AUTS2: variants seen among roughly 807,000 people sequenced by gnomAD.
AUTS2 encodes activator of transcription and developmental regulator AUTS2.
In AUTS2, 17 loss-of-function variants were observed where a neutral mutation model predicts 112.4. The ratio of observed to expected loss-of-function variants is 0.15; its 90% CI spans 0.10 to 0.23. The LOEUF (loss-of-function observed/expected upper bound fraction) is 0.23. Among genes scored for constraint, AUTS2 ranks in the 10% least tolerant of loss-of-function variants. AUTS2 has a pLI of 1.00. For missense variants in AUTS2, 1,510 were observed against 1,701.6 expected, an observed-to-expected ratio of 0.89 and a Z score of 1.98; for synonymous variants, 751 against 702.7, an observed-to-expected ratio of 1.07 and a Z score of -1.09.
intron 1 of AUTS2, among the ~76,000 whole-genome samples, chr7:69,601,535 T>A (rs190216776): frequency 1.4e-3 from 212 of 151,846 alleles, no homozygotes; most frequent in Non-Finnish European, 2.4e-3. Flanking sequence ...TGGTGGCCAG[T>A]GGTTGGGAGT....
At chr7:70,708,164 T>A (rs1809839874) in intron 6 of AUTS2, among the ~76,000 whole-genome samples, 1 of 152,212 alleles carries the variant, frequency 6.6e-6, no homozygotes, top group Non-Finnish European at 1.5e-5. Context: ...AGAGTAACAC[T>A]AAAACCTAAT....
intron 5 of AUTS2, among the ~76,000 whole-genome samples, chr7:70,553,357 A>G (rs190907422): frequency 6.6e-6 from 1 of 152,284 alleles, no homozygotes; most frequent in Admixed American, 6.5e-5. Context: ...TGAAGCACCT[A>G]TTACCAGGAC....
chr7:69,798,799 T>G (rs781365346), intron 1 of AUTS2, among the ~76,000 whole-genome samples: 3 of 152,112 alleles, frequency 2.0e-5, no homozygotes, highest in Admixed American at 6.6e-5. Flanking sequence ...GAGATCAGCC[T>G]GGACAACATA....
intron 5 of AUTS2, among the ~76,000 whole-genome samples, chr7:70,540,628 A>T (rs1239816221): frequency 6.6e-6 from 1 of 152,088 alleles, no homozygotes; most frequent in Non-Finnish European, 1.5e-5. Flanking sequence ...CCATCGATTC[A>T]TGGTATTGGT....
intron 5 of AUTS2, among the ~76,000 whole-genome samples, chr7:70,685,812 T>C (rs557431037): frequency 2.6e-5 from 4 of 152,332 alleles, no homozygotes; most frequent in African/African-American, 9.6e-5. Context: ...CAGTTCCCCG[T>C]TTCCCACAGT....
At chr7:70,386,827 C>T (rs1793632208) in intron 4 of AUTS2, among the ~76,000 whole-genome samples, 2 of 152,134 alleles carry the variant, frequency 1.3e-5, no homozygotes, top group South Asian at 4.2e-4. Flanking sequence ...TTTATAAATT[C>T]AAACATCATT....
chr7:70,061,892 A>G (rs969658785), intron 2 of AUTS2, among the ~76,000 whole-genome samples: 29 of 151,598 alleles, frequency 1.9e-4, no homozygotes, highest in Admixed American at 1.3e-4. Context: ...GGTTCAAGCA[A>G]TTCTCCCACC....
chr7:70,306,316 C>A (rs1426382462), intron 4 of AUTS2, among the ~76,000 whole-genome samples: 1 of 152,182 alleles, frequency 6.6e-6, no homozygotes, highest in South Asian at 2.1e-4. Context: ...TAAAACTGGT[C>A]TTATGGTTAC....
At chr7:70,332,536 G>A (rs1202338382) in intron 4 of AUTS2, among the ~76,000 whole-genome samples, 1 of 152,190 alleles carries the variant, frequency 6.6e-6, no homozygotes, top group Non-Finnish European at 1.5e-5. Flanking sequence ...CAAAGCTGGA[G>A]GCGTCATGCT....
chr7:69,776,692 T>A (rs1788913765), intron 1 of AUTS2, among the ~76,000 whole-genome samples: 1 of 152,196 alleles, frequency 6.6e-6, no homozygotes, highest in Non-Finnish European at 1.5e-5. Context: ...GTGCTGGGAT[T>A]ACAGGCATGA....
At chr7:70,192,723 T>C (rs1269691108) in intron 4 of AUTS2, among the ~76,000 whole-genome samples, 1 of 152,160 alleles carries the variant, frequency 6.6e-6, no homozygotes, top group African/African-American at 2.4e-5. Flanking sequence ...TCTGAACACA[T>C]CACATTGCAA....
intron 4 of AUTS2, among the ~76,000 whole-genome samples, chr7:70,403,111 G>A (rs953285089): frequency 2.0e-5 from 3 of 152,174 alleles, no homozygotes; most frequent in Non-Finnish European, 4.4e-5. Flanking sequence ...TACGGGAAAG[G>A]TACCCTAGCC....
At chr7:70,640,269 G>A (rs987906425) in intron 5 of AUTS2, among the ~76,000 whole-genome samples, 2 of 151,862 alleles carry the variant, frequency 1.3e-5, no homozygotes, top group South Asian at 2.1e-4. Context: ...ATAAATGGTT[G>A]GTGGTGGCCC....
chr7:69,994,386 C>T (rs971997650), intron 2 of AUTS2, among the ~76,000 whole-genome samples: 3 of 152,156 alleles, frequency 2.0e-5, no homozygotes, highest in Non-Finnish European at 4.4e-5. Flanking sequence ...TTAAAACAAA[C>T]TAAGGTTGTT....
intron 6 of AUTS2, among the ~76,000 whole-genome samples, chr7:70,704,983 A>G (rs567048003): frequency 7.9e-5 from 12 of 152,356 alleles, no homozygotes; most frequent in East Asian, 5.8e-4. Flanking sequence ...TAATCACTCA[A>G]TGAAATGGAG....
At chr7:70,755,937 C>G (rs764726329) in intron 6 of AUTS2, among the ~76,000 whole-genome samples, 2 of 151,868 alleles carry the variant, frequency 1.3e-5, no homozygotes, top group African/African-American at 4.8e-5. Context: ...TGAACATTGA[C>G]TTTAATTTTT....
intron 5 of AUTS2, among the ~76,000 whole-genome samples, chr7:70,530,689 C>T (rs1285134242): frequency 6.6e-6 from 1 of 152,116 alleles, no homozygotes; most frequent in African/African-American, 2.4e-5. Flanking sequence ...GCTTTTATTA[C>T]TTCTCTTTAC....
At chr7:70,765,144 C>A in intron 8 of AUTS2, 139 bp downstream of exon 8, 1 of 1,200,802 alleles carries the variant, frequency 8.3e-7, no homozygotes, top group Non-Finnish European at 1.1e-6. Flanking sequence ...TCCTCAAACG[C>A]TCTCTGGCCT....
chr7:69,693,160 C>T (rs549466489), intron 1 of AUTS2, among the ~76,000 whole-genome samples: 1 of 152,280 alleles, frequency 6.6e-6, no homozygotes, highest in Admixed American at 6.5e-5. Flanking sequence ...ATTCCCTGAG[C>T]CTCAGTTTCA....
Sources: allele counts gnomAD v4.1 joint callset (sites outside exome capture counted in the v4.1 genomes callset), GRCh38; gene constraint gnomAD v4.1.1; transcripts MANE v1.5; gene names NCBI Gene and HGNC (gene_info 2026-07-23, HGNC 2026-07-21).